The following MAF variants were observed in gnomAD, a reference collection of about 807,000 sequenced individuals.
MAF encodes MAF bZIP transcription factor, also known as transcription factor Maf.
MAF carries 10 observed loss-of-function variants against 22.0 expected under a neutral mutation model. The observed-to-expected ratio is 0.45, with a 90% CI of 0.28 to 0.77. The LOEUF is 0.77. Among genes scored for constraint, MAF ranks in the 30% least tolerant of loss-of-function variants. The pLI is 0.12. For synonymous variants in MAF, 337 were observed against 255.8 expected, an observed-to-expected ratio of 1.32 and a Z score of -3.03; for missense variants, 544 against 548.4, an observed-to-expected ratio of 0.99 and a Z score of 0.08.
the MAF span, chr16:79,229,531 G>T: frequency 6.6e-6 from 1 of 152,094 alleles, no homozygotes; most frequent in Admixed American, 6.6e-5. Context: ...AGAACATTAT[G>T]AACAGCCCGA....
the MAF span, among the ~76,000 whole-genome samples, chr16:79,394,846 A>C: frequency 6.6e-6 from 1 of 152,192 alleles, no homozygotes; most frequent in African/African-American, 2.4e-5. Context: ...AACCACTGTC[A>C]TACAGTATTT....
At chr16:79,508,078 AGT>A in the MAF span, among the ~76,000 whole-genome samples, 1 of 152,116 alleles carries the variant, frequency 6.6e-6, no homozygotes, top group Non-Finnish European at 1.5e-5. Flanking sequence ...ATGGAAGAAG[AGT>A]CTCCACCACG....
chr16:79,481,482 C>T, the MAF span, among the ~76,000 whole-genome samples: 2 of 152,062 alleles, frequency 1.3e-5, no homozygotes, highest in African/African-American at 4.8e-5. Flanking sequence ...TTGCCTACAC[C>T]CCCTAGACGT....
the MAF span, among the ~76,000 whole-genome samples, chr16:79,411,796 A>G: frequency 6.6e-6 from 1 of 152,192 alleles, no homozygotes; most frequent in Non-Finnish European, 1.5e-5. Flanking sequence ...CCACAGAGCT[A>G]TTCCTCTTCC....
chr16:79,296,034 A>C, the MAF span, among the ~76,000 whole-genome samples: 1 of 152,240 alleles, frequency 6.6e-6, no homozygotes, highest in Non-Finnish European at 1.5e-5. Flanking sequence ...TGGCTGAATC[A>C]GTCCTCCATG....
the MAF span, among the ~76,000 whole-genome samples, chr16:79,237,939 G>A: frequency 2.0e-5 from 3 of 152,074 alleles, no homozygotes; most frequent in Admixed American, 6.6e-5. Flanking sequence ...ATGGTGCATC[G>A]TGACAGTCCA....
chr16:79,233,878 G>C, the MAF span, among the ~76,000 whole-genome samples: 7 of 151,616 alleles, frequency 4.6e-5, no homozygotes, highest in Non-Finnish European at 1.0e-4. Context: ...TGTAATCCCA[G>C]CTACTCAGGA....
the MAF span, chr16:79,211,985 T>C: frequency 6.5e-7 from 1 of 1,531,792 alleles, no homozygotes; most frequent in Non-Finnish European, 8.7e-7. Context: ...GGGTAAAGTA[T>C]CACTTTTCTG....
At chr16:79,243,383 T>C in the MAF span, among the ~76,000 whole-genome samples, 1 of 151,938 alleles carries the variant, frequency 6.6e-6, no homozygotes, top group South Asian at 2.1e-4. Context: ...AAAAAGGGGA[T>C]ATCGCCACTG....
the MAF span, among the ~76,000 whole-genome samples, chr16:79,425,739 T>A: frequency 6.6e-6 from 1 of 151,748 alleles, no homozygotes; most frequent in Non-Finnish European, 1.5e-5. Context: ...GCTAGCTACA[T>A]TCCTATCTAA....
At chr16:79,395,249 C>T in the MAF span, among the ~76,000 whole-genome samples, 1 of 152,140 alleles carries the variant, frequency 6.6e-6, no homozygotes, top group Non-Finnish European at 1.5e-5. Context: ...GGAGCTGGAT[C>T]ATATTCTGAG....
At chr16:79,425,296 C>CT in the MAF span, among the ~76,000 whole-genome samples, 3 of 151,738 alleles carry the variant, frequency 2.0e-5, no homozygotes, top group Non-Finnish European at 4.4e-5. Context: ...TCCATGATGT[C>CT]TTTTTTTTAT....
chr16:79,220,255 CAAAAAA>C, the MAF span, among the ~76,000 whole-genome samples: 1 of 94,060 alleles, frequency 1.1e-5, no homozygotes, highest in Admixed American at 1.2e-4. Context: ...GACTCCATCT[CAAAAAA>C]AAAAAAAAAA....
At chr16:79,472,808 A>G in the MAF span, among the ~76,000 whole-genome samples, 1 of 152,046 alleles carries the variant, frequency 6.6e-6, no homozygotes, top group Non-Finnish European at 1.5e-5. Flanking sequence ...GTTAGAAAAG[A>G]AGGAAAGAAA....
At chr16:79,279,546 G>A in the MAF span, among the ~76,000 whole-genome samples, 1 of 152,148 alleles carries the variant, frequency 6.6e-6, no homozygotes, top group African/African-American at 2.4e-5. Context: ...CCCACTGCAG[G>A]TGGATCCTGG....
the MAF span, among the ~76,000 whole-genome samples, chr16:79,462,871 G>GA: frequency 6.6e-6 from 1 of 152,198 alleles, no homozygotes; most frequent in Non-Finnish European, 1.5e-5. Context: ...TTTTACGGGG[G>GA]AAATAGGTAA....
chr16:79,523,466 G>A, the MAF span, among the ~76,000 whole-genome samples: 1 of 152,188 alleles, frequency 6.6e-6, no homozygotes, highest in African/African-American at 2.4e-5. Flanking sequence ...ATCTATAAGC[G>A]TGGGTTCATT....
the MAF span, among the ~76,000 whole-genome samples, chr16:79,332,952 T>C: frequency 4.3e-4 from 65 of 152,274 alleles, no homozygotes; most frequent in Non-Finnish European, 3.1e-4. Flanking sequence ...CATGGTGTCT[T>C]TTTGCACGTC....
chr16:79,210,292 G>A, the MAF span, among the ~76,000 whole-genome samples: 10 of 152,084 alleles, frequency 6.6e-5, no homozygotes, highest in South Asian at 2.1e-4. Context: ...TCTTCACGTC[G>A]TAACACCTTC....
Sources: allele counts gnomAD v4.1 joint callset (sites outside exome capture counted in the v4.1 genomes callset), GRCh38; gene constraint gnomAD v4.1.1; transcripts MANE v1.5; gene names NCBI Gene and HGNC (gene_info 2026-07-23, HGNC 2026-07-21).